Variants in MED14 observed in about 807,000 individuals in gnomAD.
The protein encoded by MED14 is mediator of RNA polymerase II transcription subunit 14.
A neutral mutation model predicts 109.0 loss-of-function variants in MED14; 8 were observed. The observed-to-expected ratio is 0.07, with a 90% confidence interval of 0.04 to 0.13. The LOEUF is 0.13. Among genes scored for constraint, MED14 ranks in the 10% least tolerant of loss-of-function variants. The pLI is 1.00. For synonymous variants in MED14, 399 were observed against 408.7 expected (o/e 0.98, Z 0.29); for missense variants, 711 against 1,142.4 (o/e 0.62, Z 5.44).
chrX:40,671,603 T>C (rs1929733070), intron 23 of MED14, among the ~76,000 whole-genome samples: 1 of 112,250 alleles, frequency 8.9e-6, no homozygotes, highest in Non-Finnish European at 1.9e-5. Flanking sequence ...GATCATGTTG[T>C]GATTAGCACC....
At chrX:40,730,662 C>A (rs1932044038) in intron 1 of MED14, among the ~76,000 whole-genome samples, 1 of 111,372 alleles carries the variant, frequency 9.0e-6, no homozygotes, top group South Asian at 3.8e-4. Flanking sequence ...CCCCTTTCCC[C>A]TATTCCTCCT....
At chrX:40,715,740 C>G (rs1480096857) in intron 3 of MED14, among the ~76,000 whole-genome samples, 2 of 89,273 alleles carry the variant, frequency 2.2e-5, no homozygotes, top group African/African-American at 8.8e-5. Context: ...GAGCCAAGAT[C>G]GTGCCACTGC....
At chrX:40,656,588 A>G (rs1174974744) in intron 28 of MED14, among the ~76,000 whole-genome samples, 2 of 112,503 alleles carry the variant, frequency 1.8e-5, no homozygotes, top group Non-Finnish European at 3.8e-5. Flanking sequence ...ATACTGGCAC[A>G]TCCATAAAAA....
chrX:40,724,994 C>A (rs1283960275), intron 3 of MED14, among the ~76,000 whole-genome samples: 1 of 110,110 alleles, frequency 9.1e-6, no homozygotes, highest in Admixed American at 9.7e-5. Context: ...CAACTAATAC[C>A]ACAGAAATTC....
chrX:40,708,276 G>A (rs1931221772), intron 10 of MED14, among the ~76,000 whole-genome samples: 1 of 111,108 alleles, frequency 9.0e-6, no homozygotes. Context: ...ATAAGCTAAT[G>A]CTTTGGTTTA....
chrX:40,675,594 A>C (rs980905879), intron 21 of MED14, among the ~76,000 whole-genome samples: 1 of 111,798 alleles, frequency 8.9e-6, no homozygotes, highest in African/African-American at 3.2e-5. Flanking sequence ...TGTGAGCAAA[A>C]AGTTGAAGAA....
At chrX:40,666,599 G>A in intron 24 of MED14, 121 bp downstream of exon 24, 3 of 740,817 alleles carry the variant, frequency 4.0e-6, no homozygotes, top group East Asian at 3.5e-5. Flanking sequence ...TTTTGCTTGA[G>A]CAATATTTTT....
intron 2 of MED14, among the ~76,000 whole-genome samples, chrX:40,729,023 T>C (rs1931991797): frequency 9.0e-6 from 1 of 111,572 alleles, no homozygotes; most frequent in African/African-American, 3.3e-5. Flanking sequence ...CCTCAGCATC[T>C]TCCTTTACAG....
At chrX:40,679,805 G>T (rs1435905894) in intron 21 of MED14, 59 bp downstream of exon 21, 6 of 1,105,377 alleles carry the variant, frequency 5.4e-6, no homozygotes, top group East Asian at 6.1e-5. Flanking sequence ...CCCCCTCAAA[G>T]AAACTATTTT....
At chrX:40,683,860 A>C (rs1335875615) in intron 16 of MED14, among the ~76,000 whole-genome samples, 1 of 112,188 alleles carries the variant, frequency 8.9e-6, no homozygotes, top group Non-Finnish European at 1.9e-5. Flanking sequence ...ATACAAGAGG[A>C]ATGTAGTAGC....
intron 16 of MED14, among the ~76,000 whole-genome samples, chrX:40,687,987 G>A (rs1333121383): frequency 8.9e-6 from 1 of 111,865 alleles, no homozygotes; most frequent in Non-Finnish European, 1.9e-5. Context: ...GGCCGAGGTG[G>A]GTGGATCACT....
intron 12 of MED14, among the ~76,000 whole-genome samples, chrX:40,698,663 G>C (rs1424063846): frequency 1.8e-5 from 2 of 111,755 alleles, no homozygotes; most frequent in Non-Finnish European, 3.8e-5. Context: ...TGAACAAATA[G>C]ATGCTCAACA....
chrX:40,720,030 A>T, intron 3 of MED14, among the ~76,000 whole-genome samples: 1 of 111,868 alleles, frequency 8.9e-6, no homozygotes, highest in East Asian at 2.8e-4. Flanking sequence ...AACATGAACA[A>T]TCCCTCTAAT....
intron 19 of MED14, among the ~76,000 whole-genome samples, 191 bp from the exon 20 acceptor site, chrX:40,681,101 C>T: frequency 8.9e-6 from 1 of 112,442 alleles, no homozygotes; most frequent in Non-Finnish European, 1.9e-5. Context: ...CACTCCCTGA[C>T]CATGTGTTAG....
chrX:40,703,325 C>T, intron 11 of MED14, 119 bp downstream of exon 11: 1 of 572,551 alleles, frequency 1.7e-6, no homozygotes, highest in Admixed American at 4.0e-5. Flanking sequence ...GGTTTCCATA[C>T]CCACTTTCAA....
chrX:40,701,232 G>A lies in MED14; in HGVS notation c.1423C>T (p.Leu475=), dbSNP rs767404441. The change falls in exon 12 of 31, where the codon CTG becomes TTG. Residue 475 remains leucine, a synonymous_variant. Transcript: ENST00000324817. ...LMLYGLDQAT[L]DDMEKSVNDD... is the part of the protein sequence containing the mutation. ...TTCACAGACTTCTCCATGTCATCCA[G>A]AGTGGCCTGGTCTACAGAATAAAGC... 8.3e-7 allele frequency: 1 copy of A among 1,198,066 alleles called. No individual in the cohort carries two copies. Among genetic ancestry groups the A allele is most frequent in the South Asian group, 1.8e-5 (1 of 55,562 alleles).
At chrX:40,685,559 C>T (rs1184121677) in intron 16 of MED14, among the ~76,000 whole-genome samples, 4 of 112,248 alleles carry the variant, frequency 3.6e-5, no homozygotes, top group African/African-American at 1.3e-4. Flanking sequence ...GGCCAGAGGA[C>T]CTTTACTACT....
intron 6 of MED14, 91 bp downstream of exon 6, chrX:40,712,823 G>A: frequency 1.1e-6 from 1 of 902,734 alleles, no homozygotes; most frequent in Non-Finnish European, 1.5e-6. Context: ...ACAAGCATGA[G>A]CCATCATCCC....
At position 40,710,079 on chromosome X, in the gene MED14, G is replaced by T; in HGVS notation, c.1073C>A (p.Thr358Lys). 2 of 1,187,763 alleles carry T rather than the reference G, an allele frequency of 1.7e-6. No individual in the cohort carries two copies. The highest frequency in any genetic ancestry group is 2.3e-6 in the Non-Finnish European group (2 of 880,962). ...KTGTASVHKVTIKIDENDVSK... is the reference protein window; with the variant it reads ...KTGTASVHKVKIKIDENDVSK... ...GACATCATTCTCATCAATTTTAATT[G>T]TAACTTTGTGAACAGATGCTGTTCC... Residue 358 changes from threonine to lysine, a missense_variant, in exon 9 of 31, where the codon ACA becomes AAA. Coordinates refer to ENST00000324817, the MANE Select transcript of MED14 (RefSeq NM_004229.4).
Sources: allele counts gnomAD v4.1 joint callset (sites outside exome capture counted in the v4.1 genomes callset), GRCh38; gene constraint gnomAD v4.1.1; transcripts MANE v1.5; gene names NCBI Gene and HGNC (gene_info 2026-07-23, HGNC 2026-07-21).